TMEM156: variants seen among roughly 807,000 people sequenced by gnomAD.
TMEM156 encodes the protein transmembrane protein 156.
A neutral mutation model predicts 30.5 loss-of-function variants in TMEM156; 28 were observed. The observed-to-expected ratio is 0.92, with a 90% CI of 0.68 to 1.26. TMEM156 has a LOEUF of 1.26. TMEM156 is among the 50% of genes most tolerant of loss of function. The pLI, the probability that TMEM156 is intolerant of heterozygous loss-of-function variation, is 0.00. For synonymous variants in TMEM156, 137 were observed against 119.9 expected (o/e 1.14, Z -0.93); for missense variants, 351 against 340.6 (o/e 1.03, Z -0.24).
At chr4:39,009,154 G>T (rs1360470759) in intron 1 of TMEM156, among the ~76,000 whole-genome samples, 1 of 151,962 alleles carries the variant, frequency 6.6e-6, no homozygotes, top group Non-Finnish European at 1.5e-5. Flanking sequence ...AGAGGAAAAT[G>T]GATAAATTTC....
intron 5 of TMEM156, among the ~76,000 whole-genome samples, chr4:38,978,982 C>G (rs1723040316): frequency 6.6e-6 from 1 of 152,234 alleles, no homozygotes; most frequent in Admixed American, 6.5e-5. Flanking sequence ...TAACCAACAT[C>G]TGTTTCCTGT....
rs1461435588 is a variant in TMEM156 at position 39,003,865 on chromosome 4, A to G, written c.89-4956T>C. Among the ~76,000 whole-genome samples, 11 of 152,240 alleles carry G rather than the reference A, an allele frequency of 7.2e-5. No homozygotes were observed. In the East Asian group the frequency reaches 2.1e-3, roughly 29 times the overall value. On this transcript the variant is annotated intron_variant, in intron 1 of 6. Transcript: ENST00000381938. ...TGCTATGATATGACCTAAAAGAGAG[A>G]TAGAGAAATGTTTACTGTCAATAGT...
At chr4:38,971,217 T>G in intron 5 of TMEM156, 80 bp from the exon 6 acceptor site, 1 of 1,349,162 alleles carries the variant, frequency 7.4e-7, no homozygotes. Context: ...GTAGTAAGAG[T>G]AGCAAGAGAA....
At chr4:39,003,267 C>A (rs1030609321) in intron 1 of TMEM156, among the ~76,000 whole-genome samples, 2 of 151,942 alleles carry the variant, frequency 1.3e-5, no homozygotes, top group African/African-American at 4.8e-5. Context: ...TGTAATAATT[C>A]ACATTTAATT....
chr4:38,990,659 A>G (rs13134995), intron 3 of TMEM156, among the ~76,000 whole-genome samples: 96,091 of 151,644 alleles, frequency 0.63, 30,452 homozygotes, highest in East Asian at 0.71. Flanking sequence ...GCAAGGGGAA[A>G]CAGACAGAAA....
rs572427902 is a variant in TMEM156 at position 38,989,540 on chromosome 4, C to A, written c.620-570G>T. ...CGCCAATGATCAGATCAAGTGCATG[C>A]ACTAATTAAACGTAGTTGCCCTGGC... is the stretch of plus-strand genomic sequence containing the variant. On this transcript the variant is annotated intron_variant, in intron 3 of 6. Transcript: ENST00000381938. 3.3e-5 allele frequency among the ~76,000 whole-genome samples: 5 copies of A among 152,310 alleles called. No individual in the cohort carries two copies. The South Asian group carries it at 1.0e-3, about 32-fold the overall frequency.
At position 38,993,920 on chromosome 4, in the gene TMEM156, G is replaced by T. The variant is rs1272608729; in HGVS notation, c.437C>A (p.Ala146Asp). 1 of 1,614,064 alleles carries T rather than the reference G, an allele frequency of 6.2e-7. No homozygotes were observed. Residue 146 changes from alanine to aspartate, a missense_variant, in exon 3 of 7, where the codon GCT becomes GAT. Ala to Asp is a moderately radical substitution (Grantham distance 126). Transcript: ENST00000381938. Reference protein sequence around the residue: ...SPCQHFNFSVAPLVDHLEEYN... With the variant: ...SPCQHFNFSVDPLVDHLEEYN... The stretch of plus-strand genomic sequence containing the variant: ...TTCCTCCAAGTGGTCAACCAGAGGA[G>T]CTACACTGAAGTTAAAGTGCTGACA...
intron 1 of TMEM156, among the ~76,000 whole-genome samples, chr4:39,026,699 G>C (rs1414149078): frequency 2.6e-5 from 4 of 152,110 alleles, no homozygotes; most frequent in Non-Finnish European, 5.9e-5. Context: ...GGCTGAGGCG[G>C]GTGGGTCACT....
chr4:38,988,349 A>G (rs1011292292), intron 4 of TMEM156, among the ~76,000 whole-genome samples: 2 of 152,252 alleles, frequency 1.3e-5, no homozygotes, highest in East Asian at 3.9e-4. Flanking sequence ...TCAGCCTCCC[A>G]AGTAGCTGAG....
chr4:39,008,347 G>T (rs1032186443), intron 1 of TMEM156, among the ~76,000 whole-genome samples: 3 of 152,050 alleles, frequency 2.0e-5, no homozygotes, highest in African/African-American at 7.2e-5. Flanking sequence ...ATAATTGAAT[G>T]CTCTTTCAAC....
At chr4:39,025,269 A>T (rs1320131803) in intron 1 of TMEM156, among the ~76,000 whole-genome samples, 1 of 150,352 alleles carries the variant, frequency 6.7e-6, no homozygotes, top group Non-Finnish European at 1.5e-5. Flanking sequence ...AATCGCTTGA[A>T]CATGGGAGGC....
chr4:38,985,864 A>T (rs1384801716), intron 5 of TMEM156, among the ~76,000 whole-genome samples: 1 of 152,256 alleles, frequency 6.6e-6, no homozygotes, highest in Non-Finnish European at 1.5e-5. Context: ...TGCTCTAATT[A>T]GAATTCCCTT....
Position 38,989,790 on chromosome 4 carries a change from CTTATT to C in TMEM156, c.620-825_620-821del, listed in dbSNP as rs1271037053. On this transcript the variant is annotated intron_variant, in intron 3 of 6. Coordinates refer to ENST00000381938, the MANE Select transcript of TMEM156 (RefSeq NM_024943.3). The stretch of plus-strand genomic sequence containing the variant: ...CATTTTTTATTTTATTTTATTTTAT[CTTATT>C]TTATTTTATTTTATTTTATTTGAGA... Among the ~76,000 whole-genome samples the C allele has an allele frequency of 3.2e-5, 4 of 124,736 alleles. No individual in the cohort carries two copies. The East Asian group carries it at 8.1e-4, about 25-fold the overall frequency. 81.8% of individuals were successfully genotyped at this position (124,736 alleles called of 152,430 possible).
chr4:39,031,293 T>C (rs1715487509), intron 1 of TMEM156, among the ~76,000 whole-genome samples: 1 of 152,242 alleles, frequency 6.6e-6, no homozygotes, highest in African/African-American at 2.4e-5. Context: ...AGTTTAAATT[T>C]ATACCTATTT....
intron 1 of TMEM156, among the ~76,000 whole-genome samples, chr4:39,005,715 A>G (rs1262066371): frequency 2.0e-5 from 3 of 152,158 alleles, no homozygotes; most frequent in Non-Finnish European, 4.4e-5. Context: ...GCTGTACGTA[A>G]ATTATATGTC....
chr4:39,003,800 C>T (rs1713543184), intron 1 of TMEM156, among the ~76,000 whole-genome samples: 1 of 152,118 alleles, frequency 6.6e-6, no homozygotes, highest in Admixed American at 6.6e-5. Flanking sequence ...CTCACTGGCA[C>T]TTTTCATTTT....
At chr4:39,015,093 AC>A (rs1411412295) in intron 1 of TMEM156, among the ~76,000 whole-genome samples, 3 of 152,218 alleles carry the variant, frequency 2.0e-5, no homozygotes, top group Non-Finnish European at 4.4e-5. Flanking sequence ...TAAATTATTC[AC>A]AATATCCTCT....
chr4:39,018,858 T>TA (rs1396115251), intron 1 of TMEM156, among the ~76,000 whole-genome samples: 3 of 151,882 alleles, frequency 2.0e-5, no homozygotes, highest in Non-Finnish European at 4.4e-5. Flanking sequence ...CCGTCTCTAC[T>TA]AAAAATACAA....
At chr4:38,996,406 CAAA>C (rs57823248) in intron 2 of TMEM156, among the ~76,000 whole-genome samples, 1 of 117,054 alleles carries the variant, frequency 8.5e-6, no homozygotes, top group Admixed American at 9.0e-5. Flanking sequence ...ACTAAAAATA[CAAA>C]AAAAAAAAAA....
Sources: gnomAD v4.1 joint callset for allele counts (sites outside exome capture counted in the v4.1 genomes callset) on GRCh38, gnomAD v4.1.1 for gene constraint, MANE v1.5 for transcripts, NCBI Gene and HGNC (gene_info 2026-07-23, HGNC 2026-07-21) for gene names.